FAM13A: variants seen among roughly 807,000 people sequenced by gnomAD.
The protein encoded by FAM13A is family with sequence similarity 13 member A, also known as protein FAM13A.
A neutral mutation model predicts 129.6 loss-of-function variants in FAM13A; 76 were observed. That is an observed-to-expected ratio of 0.59 (90% CI 0.49 to 0.71). FAM13A has a LOEUF of 0.71. Among genes scored for constraint, FAM13A ranks in the 30% least tolerant of loss-of-function variants. The pLI, the probability that FAM13A is intolerant of heterozygous loss-of-function variation, is 0.00. For synonymous variants in FAM13A, 443 were observed against 449.9 expected, an observed-to-expected ratio of 0.98 and a Z score of 0.20; for missense variants, 1,108 against 1,249.3, an observed-to-expected ratio of 0.89 and a Z score of 1.70.
chr4:88,760,556 G>A (rs1417407005), intron 13 of FAM13A, among the ~76,000 whole-genome samples: 3 of 108,250 alleles, frequency 2.8e-5, no homozygotes, highest in African/African-American at 9.5e-5. Context: ...GTGAGCCGAG[G>A]TCGCGCCACT....
chr4:88,748,294 T>C (rs530584776), intron 17 of FAM13A, among the ~76,000 whole-genome samples: 39 of 152,188 alleles, frequency 2.6e-4, no homozygotes, highest in Non-Finnish European at 4.4e-4. Context: ...TCAGTAGAAA[T>C]CCCTGAATTA....
intron 7 of FAM13A, among the ~76,000 whole-genome samples, chr4:88,846,538 A>C (rs1377379785): frequency 6.6e-6 from 1 of 152,252 alleles, no homozygotes; most frequent in Non-Finnish European, 1.5e-5. Context: ...TGTAACAAAC[A>C]TTAACTCTCT....
rs1423849571 is a variant in FAM13A, at chr4:88,732,119, C to T, written c.2726G>A (p.Arg909Gln). Reference protein sequence around the residue: ...MVTLKTDFSARCFLDQFEDDA... With the variant: ...MVTLKTDFSAQCFLDQFEDDA... ...ATCTTCGAATTGGTCCAGAAAGCAT[C>T]GTGCACTGAAATCGGTTTTCAGAGT... Residue 909 changes from arginine (R) to glutamine (Q), a missense_variant, in exon 22 of 24, where the codon CGA becomes CAA. By Grantham distance (43) the Arg-to-Gln change is conservative (BLOSUM62 1). Transcript: ENST00000264344. 12 of 1,613,766 alleles carry T rather than the reference C, an allele frequency of 7.4e-6. No homozygotes were observed. Among genetic ancestry groups the T allele is most frequent in the Admixed American group, 1.7e-5 (1 of 59,972 alleles).
intron 9 of FAM13A, among the ~76,000 whole-genome samples, chr4:88,788,964 T>C (rs995048468): frequency 3.3e-5 from 5 of 152,142 alleles, no homozygotes; most frequent in African/African-American, 1.2e-4. Flanking sequence ...AACTTGGGCA[T>C]TAGAACTTTT....
chr4:88,842,132 T>C (rs1578911806), intron 7 of FAM13A, among the ~76,000 whole-genome samples: 1 of 152,302 alleles, frequency 6.6e-6, no homozygotes, highest in East Asian at 1.9e-4. Context: ...TCAAAACATA[T>C]GCTAAGTGAA....
In FAM13A at chr4:88,726,519, A is replaced by G. The variant is rs1390311823; in HGVS notation, c.*2014T>C. 6.6e-6 allele frequency: 1 copy of G among 152,636 alleles called. No individual in the cohort carries two copies. 9.5% of individuals were successfully genotyped at this position (152,636 alleles called of 1,614,324 possible). A position where few individuals can be genotyped will look rare whatever the true frequency, so the allele number is the denominator to read the frequency against. ...TTTGTAGCTTAAAAAAAAATTCTGTAGCGTATTTTTCCAAAAACATAGTCT... is the reference window on the plus strand; with the variant it reads ...TTTGTAGCTTAAAAAAAAATTCTGTGGCGTATTTTTCCAAAAACATAGTCT... On this transcript the variant is annotated 3_prime_UTR_variant, in exon 24 of 24. Transcript: ENST00000264344.
chr4:88,832,481 C>G (rs1220164791), intron 7 of FAM13A, among the ~76,000 whole-genome samples: 1 of 152,116 alleles, frequency 6.6e-6, no homozygotes, highest in Non-Finnish European at 1.5e-5. Context: ...TTTTTGCAAT[C>G]TATCCAATTG....
chr4:88,730,086 A>C (rs1448868644), intron 23 of FAM13A: 1 of 152,250 alleles, frequency 6.6e-6, no homozygotes, highest in African/African-American at 2.4e-5. Flanking sequence ...AATACAATAT[A>C]TTTTAAATGA....
chr4:88,805,078 A>T (rs1269288509), intron 7 of FAM13A, 26 bp from the exon 8 acceptor site: 1 of 1,245,568 alleles, frequency 8.0e-7, no homozygotes, highest in Non-Finnish European at 1.2e-6. Flanking sequence ...ATTTTGAATT[A>T]ATATAATGTC....
At chr4:88,969,071 A>C (rs1198588972) in intron 4 of FAM13A, among the ~76,000 whole-genome samples, 2 of 152,188 alleles carry the variant, frequency 1.3e-5, no homozygotes, top group Non-Finnish European at 2.9e-5. Context: ...AAGACACATA[A>C]TTTCCATCTC....
intron 2 of FAM13A, among the ~76,000 whole-genome samples, chr4:89,025,216 A>G (rs1033997215): frequency 1.4e-5 from 2 of 143,186 alleles, no homozygotes. Flanking sequence ...TTCAAATGCC[A>G]TATGCTAAAG....
At chr4:88,772,623 A>G (rs1720898232) in intron 11 of FAM13A, among the ~76,000 whole-genome samples, 1 of 152,232 alleles carries the variant, frequency 6.6e-6, no homozygotes, top group Non-Finnish European at 1.5e-5. Flanking sequence ...CATGGTAATT[A>G]GAAAATATCA....
intron 7 of FAM13A, among the ~76,000 whole-genome samples, chr4:88,824,143 A>G (rs1732584120): frequency 6.6e-6 from 1 of 152,178 alleles, no homozygotes; most frequent in Admixed American, 6.5e-5. Flanking sequence ...ATCCTAATCC[A>G]TAGATTTTAT....
chr4:88,942,105 A>C (rs1579395168), intron 4 of FAM13A, among the ~76,000 whole-genome samples: 1 of 152,216 alleles, frequency 6.6e-6, no homozygotes, highest in Non-Finnish European at 1.5e-5. Flanking sequence ...CAGAAGCTGC[A>C]AAGAATTACA....
At chr4:88,863,735 C>T (rs1312048156) in intron 6 of FAM13A, among the ~76,000 whole-genome samples, 1 of 152,210 alleles carries the variant, frequency 6.6e-6, no homozygotes. Context: ...GCAAAACACA[C>T]ATTTGATGTC....
chr4:88,944,264 A>G (rs1208451013), intron 4 of FAM13A, among the ~76,000 whole-genome samples: 1 of 152,026 alleles, frequency 6.6e-6, no homozygotes, highest in Non-Finnish European at 1.5e-5. Context: ...AAGTGGGAGG[A>G]CCTCTTGAGC....
In FAM13A at chr4:88,939,108, A is replaced by T. The variant is rs965119508; in HGVS notation, c.606-867T>A. On this transcript the variant is annotated intron_variant, in intron 4 of 23. Transcript: ENST00000264344. ...CTGTTGTAACAAATTACCATAAACT[A>T]AGTGGCTTAAAACAACAGAAAGTAT... Among the ~76,000 whole-genome samples, 4 of 152,236 alleles carry T rather than the reference A, an allele frequency of 2.6e-5. No individual in the cohort carries two copies. In the East Asian group the frequency reaches 5.8e-4, roughly 22 times the overall value.
chr4:88,911,393 A>G (rs1749069697), intron 5 of FAM13A, among the ~76,000 whole-genome samples: 1 of 152,242 alleles, frequency 6.6e-6, no homozygotes, highest in African/African-American at 2.4e-5. Context: ...TCCCTCATGT[A>G]CAGCAATTCT....
intron 1 of FAM13A, among the ~76,000 whole-genome samples, chr4:89,046,765 C>T (rs747068133): frequency 6.6e-6 from 1 of 152,058 alleles, no homozygotes; most frequent in Non-Finnish European, 1.5e-5. Context: ...GTGGGAGGAT[C>T]ACTTGAGCCA....
Sources: allele counts gnomAD v4.1 joint callset (sites outside exome capture counted in the v4.1 genomes callset), GRCh38; gene constraint gnomAD v4.1.1; transcripts MANE v1.5; gene names NCBI Gene and HGNC (gene_info 2026-07-23, HGNC 2026-07-21).